UNC79: variants seen among roughly 807,000 people sequenced by gnomAD.
UNC79 encodes the protein unc-79 subunit of NALCN channel complex.
Under a neutral mutation model 283.1 loss-of-function variants are expected in UNC79, and 37 were observed. That is an observed-to-expected ratio of 0.13 (90% confidence interval 0.10 to 0.17). The LOEUF (loss-of-function observed/expected upper bound fraction) is 0.17, where lower values mean the gene tolerates loss of function less well. Among genes scored for constraint, UNC79 ranks in the 10% least tolerant of loss-of-function variants. The probability of loss-of-function intolerance (pLI) is 1.00; values close to 1 mark genes in which losing one functional copy is unlikely to be tolerated. For synonymous variants in UNC79, 1,107 were observed against 1,200.2 expected (o/e 0.92, Z 1.61); for missense variants, 2,272 against 3,211.1 (o/e 0.71, Z 7.07).
chr14:93,543,519 ACATC>A (rs2061467464), intron 14 of UNC79, among the ~76,000 whole-genome samples: 1 of 151,720 alleles, frequency 6.6e-6, no homozygotes, highest in African/African-American at 2.4e-5. Flanking sequence ...ATGCATCACC[ACATC>A]CATCTAATTA....
chr14:93,610,603 TTTTC>T (rs952480936), intron 26 of UNC79, among the ~76,000 whole-genome samples: 5 of 151,942 alleles, frequency 3.3e-5, no homozygotes, highest in Non-Finnish European at 5.9e-5. Context: ...TTTTCTTTTC[TTTTC>T]TTTCTTTCTT....
intron 7 of UNC79, among the ~76,000 whole-genome samples, chr14:93,509,959 G>A (rs1270909766): frequency 6.6e-6 from 1 of 152,174 alleles, no homozygotes; most frequent in African/African-American, 2.4e-5. Context: ...CTTCTGCCTG[G>A]ACATCCAGGC....
chr14:93,425,891 C>T (rs57190017), upstream of UNC79, among the ~76,000 whole-genome samples: 622 of 152,174 alleles, frequency 4.1e-3, 2 homozygotes, highest in African/African-American at 0.013. Context: ...GTAAAAGACT[C>T]CATAAACAAA....
intron 47 of UNC79, among the ~76,000 whole-genome samples, chr14:93,697,529 C>A (rs2075232933): frequency 3.3e-5 from 5 of 152,124 alleles, no homozygotes; most frequent in African/African-American, 1.2e-4. Flanking sequence ...TAAATTCATT[C>A]ATCTTTTTCA....
Position 93,690,803 on chromosome 14 carries a change from A to G in UNC79, c.7272+500A>G, listed in dbSNP as rs533777199. On this transcript the variant is annotated intron_variant, in intron 45 of 48. Coordinates refer to ENST00000555664, the Ensembl canonical transcript of UNC79. This position sits in a 1 kb window ranked among gnomAD's most constrained non-coding sequence, Gnocchi z 4.3. ...ATGACCTACACAGGGGAACTTTGTA[A>G]ATTGCAGAGACAGGTGATGTGCTAA... 45 of 156,512 alleles carry G rather than the reference A, an allele frequency of 2.9e-4. No individual in the cohort carries two copies. The highest frequency in any genetic ancestry group is 5.1e-4 in the Non-Finnish European group (36 of 70,916). 9.7% of individuals were successfully genotyped at this position (156,512 alleles called of 1,614,324 possible).
chr14:93,572,073 G>C (rs780240184), exon 15 of UNC79: 1 of 1,613,662 alleles, frequency 6.2e-7, no homozygotes, highest in South Asian at 1.1e-5. Flanking sequence ...AAGAATTCAG[G>C]GAAGTATTAA....
chr14:93,473,895 ACCT>A (rs1488257015), intron 2 of UNC79, among the ~76,000 whole-genome samples, 191 bp from the exon 3 acceptor site: 1 of 152,216 alleles, frequency 6.6e-6, no homozygotes, highest in Non-Finnish European at 1.5e-5. Flanking sequence ...CACAAAGTAA[ACCT>A]TGTATTATTG....
At position 93,662,681 on chromosome 14, in the gene UNC79, G is replaced by C. The variant is rs752137197; in HGVS notation, c.6603G>C (p.Glu2201Asp). The C allele has an allele frequency of 3.1e-6, 5 of 1,611,472 alleles. No individual in the cohort carries two copies. The African/African-American group carries it at 6.7e-5, about 22-fold the overall frequency. The change falls in exon 40 of 49, where the codon GAG (glutamate) becomes GAC (aspartate). Residue 2201 changes from glutamate to aspartate, a missense_variant. Physicochemically the swap from Glu to Asp is conservative, Grantham distance 45. Coordinates refer to ENST00000555664, the Ensembl canonical transcript of UNC79. ...TCTTCACTCTGGCCTACCTGGTGGA[G>C]CTGTGTGGCTTATGTTACCGAGCTT...
intron 1 of UNC79, among the ~76,000 whole-genome samples, chr14:93,391,930 A>G (rs1295627353): frequency 6.6e-6 from 1 of 152,256 alleles, no homozygotes; most frequent in Non-Finnish European, 1.5e-5. Flanking sequence ...AATGGCTTAT[A>G]TTAAAGAGAT....
intron 4 of UNC79, among the ~76,000 whole-genome samples, chr14:93,481,250 C>T (rs2058123672): frequency 6.6e-6 from 1 of 152,084 alleles, no homozygotes; most frequent in Non-Finnish European, 1.5e-5. Flanking sequence ...TCCAAATGTG[C>T]TCAATATGCT....
At chr14:93,656,383 T>C (rs966211753) in intron 38 of UNC79, among the ~76,000 whole-genome samples, 1 of 151,916 alleles carries the variant, frequency 6.6e-6, no homozygotes, top group Non-Finnish European at 1.5e-5. Flanking sequence ...GGTAGGGGGA[T>C]CGCTTGAACC....
intron 38 of UNC79, among the ~76,000 whole-genome samples, chr14:93,656,039 C>A (rs1414845173): frequency 6.6e-6 from 1 of 152,200 alleles, no homozygotes; most frequent in Non-Finnish European, 1.5e-5. Flanking sequence ...ATGAATTCTG[C>A]AAATTCAGAG....
At chr14:93,532,990 G>A (rs183851668) in intron 11 of UNC79, among the ~76,000 whole-genome samples, 4 of 152,192 alleles carry the variant, frequency 2.6e-5, no homozygotes. Flanking sequence ...AACATACCCA[G>A]ACTGACTGTA....
intron 24 of UNC79, among the ~76,000 whole-genome samples, chr14:93,600,213 A>C (rs1752586225): frequency 6.6e-6 from 1 of 152,260 alleles, no homozygotes; most frequent in South Asian, 2.1e-4. Flanking sequence ...AAACAAACAA[A>C]GAAACAAACA....
At chr14:93,482,976 A>G (rs2058216458) in intron 4 of UNC79, among the ~76,000 whole-genome samples, 1 of 151,982 alleles carries the variant, frequency 6.6e-6, no homozygotes, top group African/African-American at 2.4e-5. Context: ...CAATTACTAC[A>G]TCTCCTTGTC....
intron 1 of UNC79, among the ~76,000 whole-genome samples, chr14:93,418,852 C>T (rs10144067): frequency 0.56 from 84,741 of 151,492 alleles, 24,755 homozygotes; most frequent in Admixed American, 0.67. Flanking sequence ...TCTCCTGGTG[C>T]GCCATTTTTT....
intron 1 of UNC79, among the ~76,000 whole-genome samples, chr14:93,461,366 T>C (rs1385446302): frequency 2.0e-5 from 3 of 152,256 alleles, no homozygotes; most frequent in Admixed American, 1.3e-4. Context: ...AAGTGTTTTT[T>C]AGTCTATGAC....
Position 93,501,878 on chromosome 14 carries a change from A to G in UNC79, c.898+4592A>G, listed in dbSNP as rs77752808. Among the ~76,000 whole-genome samples, 94 of 152,310 alleles carry G rather than the reference A, an allele frequency of 6.2e-4. 2 individuals carry two copies. The East Asian group carries it at 0.012, about 19-fold the overall frequency. ...TATGATAAAAGATGTCAAACACAGG[A>G]AAGTTTAAAGAATCACTATTAACAC... On this transcript the variant is annotated intron_variant, in intron 7 of 48. Coordinates refer to ENST00000555664, the Ensembl canonical transcript of UNC79.
chr14:93,467,558 A>G (rs1183063276), intron 1 of UNC79, 113 bp from the exon 2 acceptor site: 5 of 1,126,484 alleles, frequency 4.4e-6, no homozygotes, highest in Non-Finnish European at 4.5e-6. Flanking sequence ...CTTGTTTGTA[A>G]TCATTTTTAA....
Sources: allele counts gnomAD v4.1 joint callset (sites outside exome capture counted in the v4.1 genomes callset), GRCh38; gene constraint gnomAD v4.1.1; non-coding constraint Gnocchi (gnomAD v3.1); transcripts MANE v1.5; gene names NCBI Gene and HGNC (gene_info 2026-07-23, HGNC 2026-07-21).